CSMD1: variants seen among roughly 807,000 people sequenced by gnomAD.
CSMD1 encodes CUB and sushi domain-containing protein 1.
CSMD1 carries 213 observed loss-of-function variants against 417.5 expected under a neutral mutation model. The ratio of observed to expected loss-of-function variants is 0.51; its 90% CI spans 0.46 to 0.57. The LOEUF is 0.57. Among genes scored for constraint, CSMD1 ranks in the 20% least tolerant of loss-of-function variants. CSMD1 has a pLI of 0.00. For synonymous variants in CSMD1, 2,862 were observed against 1,736.8 expected (o/e 1.65, Z -16.11); for missense variants, 6,923 against 4,529.7 (o/e 1.53, Z -15.17).
At chr8:3,756,433 A>C (rs1797661862) in intron 5 of CSMD1, among the ~76,000 whole-genome samples, 1 of 152,192 alleles carries the variant, frequency 6.6e-6, no homozygotes, top group South Asian at 2.1e-4. Flanking sequence ...CACATACAAA[A>C]AACGTTAAAT....
At chr8:4,167,612 A>G (rs1399575963) in intron 3 of CSMD1, among the ~76,000 whole-genome samples, 1 of 152,200 alleles carries the variant, frequency 6.6e-6, no homozygotes. Flanking sequence ...AAAAAAGGAT[A>G]TGTGGGGGAC....
chr8:3,744,112 G>C (rs373809354), intron 6 of CSMD1, among the ~76,000 whole-genome samples: 6 of 152,200 alleles, frequency 3.9e-5, no homozygotes, highest in African/African-American at 1.4e-4. Flanking sequence ...CCTTTGGCAA[G>C]TAAACCTCCT....
At chr8:3,790,346 T>C (rs909342419) in intron 5 of CSMD1, among the ~76,000 whole-genome samples, 4 of 152,170 alleles carry the variant, frequency 2.6e-5, no homozygotes, top group African/African-American at 9.6e-5. Flanking sequence ...GTGATGGTGA[T>C]GATGATGGTG....
chr8:4,090,419 T>G (rs1402391664), intron 3 of CSMD1, among the ~76,000 whole-genome samples: 4 of 152,156 alleles, frequency 2.6e-5, no homozygotes, highest in African/African-American at 9.7e-5. Context: ...ACCCTAGTCT[T>G]GATTGGACGT....
intron 12 of CSMD1, among the ~76,000 whole-genome samples, chr8:3,440,823 G>T (rs1288176305): frequency 6.6e-6 from 1 of 152,112 alleles, no homozygotes; most frequent in Non-Finnish European, 1.5e-5. Flanking sequence ...ACAAACTGAG[G>T]ACGACCCATT....
rs1804756487 is a variant in CSMD1, at chr8:2,974,552, A to T, written c.8639T>A (p.Val2880Asp). Residue 2880 changes from valine to aspartate, a missense_variant, in exon 56 of 70, where the codon GTC becomes GAC. Val to Asp is a radical substitution (Grantham distance 152). Coordinates refer to ENST00000635120, the MANE Select transcript of CSMD1 (RefSeq NM_033225.6). ...GCTCCCTCTGCAGGAGTAGTGCACG[A>T]CGGCGCCATAGGTAAACAGCTCTCC... is the stretch of plus-strand genomic sequence containing the variant. ...LTGELFTYGA[V>D]VHYSCRGSES... The T allele has an allele frequency of 6.2e-7, 1 of 1,613,302 alleles. No homozygotes were observed. The highest frequency in any genetic ancestry group is 8.5e-7 in the Non-Finnish European group (1 of 1,179,616).
intron 39 of CSMD1, among the ~76,000 whole-genome samples, chr8:3,156,206 G>A (rs560287163): frequency 6.6e-6 from 1 of 152,220 alleles, no homozygotes; most frequent in Non-Finnish European, 1.5e-5. Context: ...CCATTTGGCA[G>A]TATGGCATGT....
At chr8:3,950,562 G>T (rs545389131) in intron 5 of CSMD1, among the ~76,000 whole-genome samples, 37 of 152,212 alleles carry the variant, frequency 2.4e-4, no homozygotes, top group Non-Finnish European at 4.6e-4. Context: ...CAAGCGTTCC[G>T]CTTGCCCATA....
At chr8:3,215,763 C>T (rs913213413) in intron 29 of CSMD1, among the ~76,000 whole-genome samples, 24 of 152,032 alleles carry the variant, frequency 1.6e-4, no homozygotes, top group Non-Finnish European at 2.9e-4. Flanking sequence ...GTCTACCACC[C>T]TGCTAGAAAT....
At chr8:3,333,772 A>G (rs1237249883) in intron 23 of CSMD1, among the ~76,000 whole-genome samples, 2 of 152,232 alleles carry the variant, frequency 1.3e-5, no homozygotes, top group South Asian at 2.1e-4. Context: ...CTTTGACTCA[A>G]TTTCCTAAAA....
At chr8:4,899,668 T>A (rs757117194) in intron 1 of CSMD1, among the ~76,000 whole-genome samples, 1 of 152,236 alleles carries the variant, frequency 6.6e-6, no homozygotes, top group Non-Finnish European at 1.5e-5. Context: ...GATGACCATG[T>A]CTTGAACAAC....
chr8:3,247,682 G>A (rs1245196805), intron 26 of CSMD1, among the ~76,000 whole-genome samples: 1 of 152,184 alleles, frequency 6.6e-6, no homozygotes, highest in Non-Finnish European at 1.5e-5. Flanking sequence ...TAGAACTGTG[G>A]CAAACAGTTA....
chr8:4,062,429 T>C (rs955639101), intron 3 of CSMD1, among the ~76,000 whole-genome samples: 1 of 151,996 alleles, frequency 6.6e-6, no homozygotes, highest in Non-Finnish European at 1.5e-5. Flanking sequence ...ATTCTAGAAA[T>C]TTTCTAAGAA....
chr8:3,150,600 T>A (rs57380850), intron 40 of CSMD1, among the ~76,000 whole-genome samples: 15,080 of 152,218 alleles, frequency 0.099, 919 homozygotes, highest in African/African-American at 0.16. Flanking sequence ...ATTCATTCAT[T>A]CATCATTCAG....
chr8:3,637,371 G>A (rs914359244), intron 7 of CSMD1, among the ~76,000 whole-genome samples: 2 of 152,046 alleles, frequency 1.3e-5, no homozygotes, highest in Admixed American at 6.5e-5. Context: ...GCAACATAAA[G>A]ACCTGAATTC....
At chr8:4,029,644 C>A (rs561119818) in intron 4 of CSMD1, among the ~76,000 whole-genome samples, 21 of 152,108 alleles carry the variant, frequency 1.4e-4, no homozygotes, top group Non-Finnish European at 2.4e-4. Flanking sequence ...CAAACCATAT[C>A]ATTTCGCTCC....
chr8:4,294,678 A>G (rs1797565305), intron 3 of CSMD1, among the ~76,000 whole-genome samples: 2 of 152,170 alleles, frequency 1.3e-5, no homozygotes, highest in South Asian at 2.1e-4. Context: ...CATTTTAAAA[A>G]TATTCTAAGA....
intron 3 of CSMD1, among the ~76,000 whole-genome samples, chr8:4,397,380 G>C (rs1002837578): frequency 1.3e-5 from 2 of 152,112 alleles, no homozygotes; most frequent in Admixed American, 6.6e-5. Context: ...ATAATCTTAA[G>C]TGGAAAAGAG....
chr8:3,370,837 A>C (rs1248273114), intron 18 of CSMD1, among the ~76,000 whole-genome samples: 1 of 152,176 alleles, frequency 6.6e-6, no homozygotes, highest in Non-Finnish European at 1.5e-5. Flanking sequence ...TTAGCCAGGC[A>C]TAGTGGCAGA....
Sources: allele counts gnomAD v4.1 joint callset (sites outside exome capture counted in the v4.1 genomes callset), GRCh38; gene constraint gnomAD v4.1.1; transcripts MANE v1.5; gene names NCBI Gene and HGNC (gene_info 2026-07-23, HGNC 2026-07-21).